Variants in DLGAP1 observed in about 807,000 individuals in gnomAD.
DLGAP1 encodes disks large-associated protein 1.
A neutral mutation model predicts 90.8 loss-of-function variants in DLGAP1; 11 were observed. That is an observed-to-expected ratio of 0.12 (90% CI 0.08 to 0.20). DLGAP1 has a LOEUF of 0.20. Ranked by LOEUF, DLGAP1 falls within the 10% of genes least tolerant of loss-of-function variation. DLGAP1 has a pLI of 1.00. For synonymous variants in DLGAP1, 558 were observed against 540.7 expected (o/e 1.03, Z -0.44); for missense variants, 1,050 against 1,333.8 (o/e 0.79, Z 3.31).
intron 12 of DLGAP1, among the ~76,000 whole-genome samples, chr18:3,500,753 A>C (rs765797292): frequency 6.6e-6 from 1 of 152,224 alleles, no homozygotes; most frequent in African/African-American, 2.4e-5. Flanking sequence ...TACTATGTAA[A>C]TATCAATAGG....
chr18:3,664,002 G>A (rs1196984716), intron 7 of DLGAP1, among the ~76,000 whole-genome samples: 1 of 152,088 alleles, frequency 6.6e-6, no homozygotes, highest in Non-Finnish European at 1.5e-5. Context: ...TGTCTCTGCT[G>A]GGACATCAGT....
chr18:3,526,026 C>T lies in DLGAP1; in HGVS notation c.2479+8168G>A, dbSNP rs192707329. On this transcript the variant is annotated intron_variant, in intron 10 of 12. Coordinates refer to ENST00000315677, the MANE Select transcript of DLGAP1 (RefSeq NM_004746.4). The surrounding 1 kb of genome is among the most constrained non-coding windows in gnomAD (Gnocchi z 4.7). ...GGTTAAACATATGGCACATTACAGC[C>T]GATTTCCTTTTCATTACTGCCACTT... Among the ~76,000 whole-genome samples the T allele has an allele frequency of 2.0e-5, 3 of 152,290 alleles. No individual in the cohort carries two copies. The highest frequency in any genetic ancestry group is 3.9e-4 in the East Asian group (2 of 5,188).
rs1174118625 is a variant in DLGAP1, at chr18:4,084,894, CT to C, written c.-159+66285del. ...AGCCTTTCCTCCCCTACATTTTATT[CT>C]GTTTAAGTTTTGTTGTTTATGATTG... On this transcript the variant is annotated intron_variant, in intron 2 of 12. Coordinates refer to ENST00000315677, the MANE Select transcript of DLGAP1 (RefSeq NM_004746.4). The surrounding 1 kb of genome is among the most constrained non-coding windows in gnomAD (Gnocchi z 4.0). 2.6e-5 allele frequency among the ~76,000 whole-genome samples: 4 copies of C among 152,198 alleles called. No individual in the cohort carries two copies. In the East Asian group the frequency reaches 5.8e-4, roughly 22 times the overall value.
intron 3 of DLGAP1, among the ~76,000 whole-genome samples, chr18:3,893,071 G>A (rs2071518913): frequency 6.6e-6 from 1 of 151,778 alleles, no homozygotes; most frequent in Admixed American, 6.6e-5. Context: ...CCATGCTTCT[G>A]AGTCTCCAAT....
At chr18:4,022,323 G>C (rs1211206420) in intron 2 of DLGAP1, among the ~76,000 whole-genome samples, 1 of 150,044 alleles carries the variant, frequency 6.7e-6, no homozygotes, top group Non-Finnish European at 1.5e-5. Flanking sequence ...TAATCTCACA[G>C]CCCCCTCCAA....
intron 2 of DLGAP1, among the ~76,000 whole-genome samples, chr18:4,103,627 T>C (rs146720144): frequency 6.6e-6 from 1 of 152,304 alleles, no homozygotes; most frequent in African/African-American, 2.4e-5. Flanking sequence ...AATTATAGTA[T>C]TGAATAATAC....
intron 4 of DLGAP1, among the ~76,000 whole-genome samples, chr18:3,870,047 T>C (rs2070647781): frequency 6.6e-6 from 1 of 152,208 alleles, no homozygotes; most frequent in African/African-American, 2.4e-5. Flanking sequence ...TATTTTCATC[T>C]ATTAGGCTCT....
intron 1 of DLGAP1, among the ~76,000 whole-genome samples, chr18:4,441,006 TAA>T (rs1323120320): frequency 1.3e-5 from 2 of 152,234 alleles, no homozygotes; most frequent in Non-Finnish European, 2.9e-5. Context: ...CAAAGAATTA[TAA>T]GAGGCAATGA....
At chr18:3,809,425 G>A (rs2066722177) in intron 5 of DLGAP1, among the ~76,000 whole-genome samples, 2 of 152,110 alleles carry the variant, frequency 1.3e-5, no homozygotes, top group South Asian at 2.1e-4. Flanking sequence ...TCAGGGCCAG[G>A]GGGAAAAATG....
At chr18:3,566,984 A>T (rs2054463470) in intron 9 of DLGAP1, among the ~76,000 whole-genome samples, 1 of 152,206 alleles carries the variant, frequency 6.6e-6, no homozygotes, top group Admixed American at 6.5e-5. Flanking sequence ...GCTCTAAAGT[A>T]GGTAAAGAGT....
Position 3,803,027 on chromosome 18 carries a change from G to C in DLGAP1, c.1172+11032C>G, listed in dbSNP as rs1054239876. Among the ~76,000 whole-genome samples the C allele has an allele frequency of 1.3e-5, 2 of 152,172 alleles. 1 individual carries two copies. Among genetic ancestry groups the C allele is most frequent in the Non-Finnish European group, 2.9e-5 (2 of 68,034 alleles). ...TAATGCCATTGGTAAAGTGGTAAAT[G>C]TTTAGAAACTGACTTTTTGGGAGGA... is the stretch of plus-strand genomic sequence containing the variant. On this transcript the variant is annotated intron_variant, in intron 5 of 12. Transcript: ENST00000315677.
At position 3,734,713 on chromosome 18, in the gene DLGAP1, T is replaced by G. The variant is rs560741142; in HGVS notation, c.1351-5338A>C. On this transcript the variant is annotated intron_variant, in intron 6 of 12. Transcript: ENST00000315677. ...TTTGACTTATTTACTGGCTTTTGTA[T>G]TTTTTTCTCTGATTATTTTTATTTA... Among the ~76,000 whole-genome samples, 14 of 152,286 alleles carry G rather than the reference T, an allele frequency of 9.2e-5. No individual in the cohort carries two copies. The South Asian group carries it at 2.9e-3, about 32-fold the overall frequency.
intron 7 of DLGAP1, among the ~76,000 whole-genome samples, chr18:3,632,082 ATGT>A (rs1391061231): frequency 3.3e-5 from 5 of 152,144 alleles, no homozygotes; most frequent in Middle Eastern, 3.4e-3. Context: ...GCCTCACAAG[ATGT>A]TGTTATCTTT....
intron 1 of DLGAP1, among the ~76,000 whole-genome samples, chr18:4,169,452 G>A (rs1244345395): frequency 6.6e-6 from 1 of 152,014 alleles, no homozygotes; most frequent in Admixed American, 6.6e-5. Flanking sequence ...CCATGTATTA[G>A]TTATACTATT....
chr18:4,423,541 TA>T (rs1302771169), intron 1 of DLGAP1, among the ~76,000 whole-genome samples: 1 of 151,346 alleles, frequency 6.6e-6, no homozygotes, highest in Non-Finnish European at 1.5e-5. Flanking sequence ...TCAACTTTGT[TA>T]GAATTATAAA....
chr18:3,610,418 C>T (rs2057549138), intron 7 of DLGAP1, among the ~76,000 whole-genome samples: 1 of 152,206 alleles, frequency 6.6e-6, no homozygotes, highest in Admixed American at 6.5e-5. Flanking sequence ...TCTGTTCTCT[C>T]TGAGGACTGC....
intron 9 of DLGAP1, among the ~76,000 whole-genome samples, chr18:3,554,865 T>G (rs902308016): frequency 6.6e-6 from 1 of 152,216 alleles, no homozygotes; most frequent in Non-Finnish European, 1.5e-5. Context: ...CTTGGCCTCT[T>G]ACAAGGTCTT....
chr18:4,122,311 C>T (rs1401546764), intron 2 of DLGAP1, among the ~76,000 whole-genome samples: 1 of 152,108 alleles, frequency 6.6e-6, no homozygotes, highest in South Asian at 2.1e-4. Context: ...CACATGCAGG[C>T]GAAAACTTAA....
intron 7 of DLGAP1, among the ~76,000 whole-genome samples, chr18:3,598,637 T>G (rs1050435429): frequency 6.6e-6 from 1 of 151,744 alleles, no homozygotes; most frequent in Non-Finnish European, 1.5e-5. Flanking sequence ...CCAGCTAATT[T>G]TTGTATTTTT....
Sources: allele counts gnomAD v4.1 joint callset (sites outside exome capture counted in the v4.1 genomes callset), GRCh38; gene constraint gnomAD v4.1.1; non-coding constraint Gnocchi (gnomAD v3.1); transcripts MANE v1.5; gene names NCBI Gene and HGNC (gene_info 2026-07-23, HGNC 2026-07-21).